Variants in GRID2 observed in about 807,000 individuals in gnomAD.
GRID2 encodes glutamate ionotropic receptor delta type subunit 2.
GRID2 carries 33 observed loss-of-function variants against 114.8 expected under a neutral mutation model. The observed-to-expected ratio is 0.29, with a 90% CI of 0.22 to 0.38. GRID2 has a LOEUF of 0.38. Among genes scored for constraint, GRID2 ranks in the 10% least tolerant of loss-of-function variants. GRID2 has a pLI of 1.00. For synonymous variants in GRID2, 505 were observed against 449.9 expected, an observed-to-expected ratio of 1.12 and a Z score of -1.55; for missense variants, 1,184 against 1,257.7, an observed-to-expected ratio of 0.94 and a Z score of 0.89.
At chr4:92,571,047 C>T (rs1289661711) in intron 1 of GRID2, among the ~76,000 whole-genome samples, 1 of 151,930 alleles carries the variant, frequency 6.6e-6, no homozygotes, top group African/African-American at 2.4e-5. Flanking sequence ...GGAGTGCTTC[C>T]AGTTTTTGCC....
intron 1 of GRID2, among the ~76,000 whole-genome samples, chr4:92,378,493 A>G (rs1481103694): frequency 6.6e-6 from 1 of 152,128 alleles, no homozygotes. Flanking sequence ...TTTTCACATT[A>G]TGTTGAAAAT....
chr4:92,563,878 A>C (rs895892795), intron 1 of GRID2, among the ~76,000 whole-genome samples: 10 of 151,768 alleles, frequency 6.6e-5, no homozygotes, highest in Non-Finnish European at 1.3e-4. Context: ...ATCAGTGCGC[A>C]CTCCATACAT....
chr4:93,541,737 G>C (rs1042755889), intron 13 of GRID2, among the ~76,000 whole-genome samples: 2 of 152,118 alleles, frequency 1.3e-5, no homozygotes, highest in African/African-American at 2.4e-5. Context: ...TGTGACACTT[G>C]ATCTGAAATA....
intron 13 of GRID2, among the ~76,000 whole-genome samples, chr4:93,540,961 T>C (rs1181513033): frequency 6.6e-6 from 1 of 152,162 alleles, no homozygotes; most frequent in Non-Finnish European, 1.5e-5. Context: ...TCACTAAAAA[T>C]TCTCTATTGG....
intron 1 of GRID2, among the ~76,000 whole-genome samples, chr4:92,446,440 T>G (rs991967616): frequency 6.6e-6 from 1 of 151,496 alleles, no homozygotes; most frequent in Non-Finnish European, 1.5e-5. Flanking sequence ...TAAGTGTATC[T>G]TTATTCAACA....
intron 2 of GRID2, among the ~76,000 whole-genome samples, chr4:92,626,465 A>G (rs564001846): frequency 2.2e-4 from 34 of 152,022 alleles, no homozygotes; most frequent in Admixed American, 4.6e-4. Flanking sequence ...ACCAAACAAC[A>G]TAGCGATTAA....
intron 2 of GRID2, among the ~76,000 whole-genome samples, chr4:92,900,833 C>CAAAAA (rs34089162): frequency 1.1e-4 from 8 of 72,328 alleles, no homozygotes; most frequent in Admixed American, 1.9e-4. Flanking sequence ...GACTTCGTCT[C>CAAAAA]AAAAAAAAAA....
At chr4:92,547,290 C>T (rs536662226) in intron 1 of GRID2, among the ~76,000 whole-genome samples, 11 of 152,234 alleles carry the variant, frequency 7.2e-5, no homozygotes, top group African/African-American at 2.6e-4. Flanking sequence ...GCTTACCTTA[C>T]TGAAGATACA....
chr4:93,002,180 A>G (rs1397370761), intron 2 of GRID2, among the ~76,000 whole-genome samples: 1 of 151,786 alleles, frequency 6.6e-6, no homozygotes, highest in East Asian at 1.9e-4. Context: ...AATAATAAAT[A>G]AAAATTATGA....
chr4:92,713,415 G>A (rs1183354422), intron 2 of GRID2, among the ~76,000 whole-genome samples: 1 of 134,496 alleles, frequency 7.4e-6, no homozygotes, highest in East Asian at 2.2e-4. Context: ...ATATAACCAA[G>A]AATAAAATTT....
intron 2 of GRID2, among the ~76,000 whole-genome samples, chr4:92,916,586 C>T (rs536401348): frequency 2.6e-5 from 4 of 152,058 alleles, no homozygotes; most frequent in Admixed American, 2.6e-4. Context: ...ATTCAATTCC[C>T]ACCTATGAGT....
At chr4:93,291,873 T>C (rs1753794709) in intron 8 of GRID2, among the ~76,000 whole-genome samples, 1 of 151,866 alleles carries the variant, frequency 6.6e-6, no homozygotes, top group African/African-American at 2.4e-5. Flanking sequence ...CTGCATCAAA[T>C]TAATTAGCAT....
chr4:93,624,258 A>G (rs1742484278), intron 13 of GRID2, among the ~76,000 whole-genome samples: 3 of 152,138 alleles, frequency 2.0e-5, no homozygotes, highest in South Asian at 2.1e-4. Context: ...CTTCTTGAAT[A>G]TATCATCAAA....
At chr4:92,633,032 C>T (rs1023336654) in intron 2 of GRID2, among the ~76,000 whole-genome samples, 4 of 152,138 alleles carry the variant, frequency 2.6e-5, no homozygotes, top group African/African-American at 9.7e-5. Context: ...AAATCCCCTA[C>T]ATAAGTAAGC....
intron 14 of GRID2, among the ~76,000 whole-genome samples, chr4:93,677,378 A>G (rs1486075351): frequency 6.6e-6 from 1 of 152,180 alleles, no homozygotes; most frequent in Non-Finnish European, 1.5e-5. Context: ...AGACAGCAGT[A>G]ACCTCTGCAG....
chr4:92,753,997 G>C (rs546230759), intron 2 of GRID2, among the ~76,000 whole-genome samples: 1 of 152,242 alleles, frequency 6.6e-6, no homozygotes, highest in African/African-American at 2.4e-5. Flanking sequence ...TTCAGTATTT[G>C]TTCTCCATCA....
intron 13 of GRID2, among the ~76,000 whole-genome samples, chr4:93,603,755 A>G (rs1739932334): frequency 6.6e-6 from 1 of 152,190 alleles, no homozygotes; most frequent in South Asian, 2.1e-4. Flanking sequence ...TGAAGATACT[A>G]TGGACCTTAA....
At chr4:93,201,000 T>TA (rs1456553141) in intron 4 of GRID2, among the ~76,000 whole-genome samples, 3 of 152,206 alleles carry the variant, frequency 2.0e-5, no homozygotes, top group Non-Finnish European at 4.4e-5. Context: ...GATTCTATTG[T>TA]GTGGGCACTA....
At position 93,773,198 on chromosome 4, in the gene GRID2, T is replaced by C. The variant is rs1734233991; in HGVS notation, c.*700T>C. Reference sequence around the variant, plus strand: ...CTTTATCATATGGCAGAAGCCTCTATTGTGTTAAATAAATTAGTATTTCAT... The same window carrying C: ...CTTTATCATATGGCAGAAGCCTCTACTGTGTTAAATAAATTAGTATTTCAT... On this transcript the variant is annotated 3_prime_UTR_variant, in exon 16 of 16. Coordinates refer to ENST00000282020, the MANE Select transcript of GRID2 (RefSeq NM_001510.4). 1 of 152,176 alleles carries C rather than the reference T, an allele frequency of 6.6e-6. No homozygotes were observed. The highest frequency in any genetic ancestry group is 2.1e-4 in the South Asian group (1 of 4,828). The allele number at this position is 152,176 out of a possible 1,614,324, so 9.4% of individuals were successfully genotyped here.
Sources: gnomAD v4.1 joint callset for allele counts (sites outside exome capture counted in the v4.1 genomes callset) on GRCh38, gnomAD v4.1.1 for gene constraint, MANE v1.5 for transcripts, NCBI Gene and HGNC (gene_info 2026-07-23, HGNC 2026-07-21) for gene names.